The following CNTNAP5 variants were observed in gnomAD, a reference collection of about 807,000 sequenced individuals.
CNTNAP5 encodes contactin-associated protein-like 5.
In CNTNAP5, 72 loss-of-function variants were observed where a neutral mutation model predicts 150.2. The ratio of observed to expected loss-of-function variants is 0.48; its 90% CI spans 0.40 to 0.58. The LOEUF is 0.58. Ranked by LOEUF, CNTNAP5 falls within the 20% of genes least tolerant of loss-of-function variation. The probability of loss-of-function intolerance (pLI) is 0.00; values close to 1 mark genes in which losing one functional copy is unlikely to be tolerated. For synonymous variants in CNTNAP5, 672 were observed against 619.8 expected (o/e 1.08, Z -1.25); for missense variants, 1,636 against 1,626.2 (o/e 1.01, Z -0.10).
intron 3 of CNTNAP5, among the ~76,000 whole-genome samples, chr2:124,411,467 CA>C (rs1258760281): frequency 6.6e-6 from 1 of 151,670 alleles, no homozygotes; most frequent in Non-Finnish European, 1.5e-5. Flanking sequence ...AGCATTGATT[CA>C]AAAATCCTCA....
At chr2:124,081,308 T>C (rs947882109) in intron 1 of CNTNAP5, among the ~76,000 whole-genome samples, 2 of 152,194 alleles carry the variant, frequency 1.3e-5, no homozygotes, top group African/African-American at 4.8e-5. Flanking sequence ...AAGCCTCCTA[T>C]TTGTCTCACC....
At chr2:124,548,438 G>T (rs769114612) in intron 10 of CNTNAP5, among the ~76,000 whole-genome samples, 1 of 152,218 alleles carries the variant, frequency 6.6e-6, no homozygotes, top group African/African-American at 2.4e-5. Flanking sequence ...TTCACTCCAT[G>T]AAACCAGGTT....
At chr2:124,352,487 T>C (rs193064929) in intron 3 of CNTNAP5, among the ~76,000 whole-genome samples, 61 of 152,220 alleles carry the variant, frequency 4.0e-4, no homozygotes, top group African/African-American at 1.1e-3. Flanking sequence ...CGCAGAGAAA[T>C]ACCAAGTCTA....
Position 124,763,982 on chromosome 2 carries a change from T to C in CNTNAP5, c.2368T>C (p.Phe790Leu), listed in dbSNP as rs1023195434. ...AAGGATTTTCTCATTTGCAGGACGC[T>C]TCTGGAACGCCGTCTCATTTTATAC... ...GPLRCYGDRR[F>L]WNAVSFYTEA... Residue 790 changes from phenylalanine to leucine, a missense_variant, in exon 16 of 24, where the codon TTC (phenylalanine) becomes CTC (leucine). Physicochemically the swap from Phe to Leu is conservative, Grantham distance 22. Transcript: ENST00000682447. 6.2e-7 allele frequency: 1 copy of C among 1,611,260 alleles called. No individual in the cohort carries two copies. Among genetic ancestry groups the C allele is most frequent in the Non-Finnish European group, 8.5e-7 (1 of 1,178,514 alleles).
intron 17 of CNTNAP5, among the ~76,000 whole-genome samples, chr2:124,779,785 G>T (rs928105277): frequency 6.6e-6 from 1 of 152,040 alleles, no homozygotes; most frequent in Non-Finnish European, 1.5e-5. Context: ...CCTCTTCATG[G>T]ATAATGCAGA....
chr2:124,622,639 T>C lies in CNTNAP5; in HGVS notation c.1876+12719T>C, dbSNP rs1301554377. ...ACAGTGTCATCAGCGTCTGTTGTTT[T>C]TACTTTTTAATTGTAGCCATCCTGA... On this transcript the variant is annotated intron_variant, in intron 12 of 23. Coordinates refer to ENST00000682447, the MANE Select transcript of CNTNAP5 (RefSeq NM_001367498.1). Among the ~76,000 whole-genome samples, 6 of 152,136 alleles carry C rather than the reference T, an allele frequency of 3.9e-5. No homozygotes were observed. In the East Asian group the frequency reaches 1.2e-3, roughly 29 times the overall value.
intron 10 of CNTNAP5, among the ~76,000 whole-genome samples, chr2:124,535,710 GA>G (rs1695215560): frequency 6.6e-6 from 1 of 152,058 alleles, no homozygotes; most frequent in Admixed American, 6.6e-5. Flanking sequence ...CCAGGAAGCA[GA>G]GGTTGCAGTG....
intron 3 of CNTNAP5, among the ~76,000 whole-genome samples, chr2:124,276,770 T>C (rs1687892684): frequency 6.6e-6 from 1 of 152,126 alleles, no homozygotes; most frequent in South Asian, 2.1e-4. Context: ...TAAAGACTAT[T>C]ATAGACAAAT....
At chr2:124,715,845 T>C (rs780038269) in intron 13 of CNTNAP5, among the ~76,000 whole-genome samples, 2 of 152,120 alleles carry the variant, frequency 1.3e-5, no homozygotes, top group African/African-American at 2.4e-5. Flanking sequence ...TAATAGAAGA[T>C]GGATGCTTGA....
rs148612089 is a variant in CNTNAP5, at chr2:124,889,722, C to A, written c.3437-13160C>A. On this transcript the variant is annotated intron_variant, in intron 21 of 23. Coordinates refer to ENST00000682447, the MANE Select transcript of CNTNAP5 (RefSeq NM_001367498.1). ...CTGTTAGTGCTAATGCCAATAATTG[C>A]TATGATAAAAATAGTAGCAAGTGCT... Among the ~76,000 whole-genome samples the A allele has an allele frequency of 1.9e-4, 29 of 152,130 alleles. No individual in the cohort carries two copies. The East Asian group carries it at 5.4e-3, about 29-fold the overall frequency.
intron 19 of CNTNAP5, among the ~76,000 whole-genome samples, chr2:124,830,257 AAAT>A (rs1024164120): frequency 7.2e-5 from 11 of 152,030 alleles, no homozygotes; most frequent in Non-Finnish European, 1.6e-4. Flanking sequence ...GATTATTATA[AAAT>A]AATAATTATT....
chr2:124,880,195 A>T (rs1223891991), intron 21 of CNTNAP5, among the ~76,000 whole-genome samples: 1 of 152,146 alleles, frequency 6.6e-6, no homozygotes, highest in South Asian at 2.1e-4. Context: ...TATGCCATTT[A>T]TCCATTTCTA....
intron 1 of CNTNAP5, among the ~76,000 whole-genome samples, chr2:124,175,380 CT>C (rs2104670776): frequency 6.6e-6 from 1 of 152,228 alleles, no homozygotes; most frequent in South Asian, 2.1e-4. Flanking sequence ...CTTTTATACT[CT>C]TTTATTCCTT....
At chr2:124,425,277 T>C (rs1306974463) in intron 4 of CNTNAP5, among the ~76,000 whole-genome samples, 1 of 152,156 alleles carries the variant, frequency 6.6e-6, no homozygotes, top group Non-Finnish European at 1.5e-5. Context: ...AAAAAACAGG[T>C]CAACTACCGT....
intron 4 of CNTNAP5, among the ~76,000 whole-genome samples, chr2:124,418,994 C>T (rs1383138363): frequency 2.7e-5 from 4 of 149,018 alleles, no homozygotes; most frequent in East Asian, 2.0e-4. Flanking sequence ...ATTAGCCGGG[C>T]GCGGTGGCGG....
At chr2:124,356,034 A>C (rs1301808849) in intron 3 of CNTNAP5, among the ~76,000 whole-genome samples, 1 of 152,230 alleles carries the variant, frequency 6.6e-6, no homozygotes, top group African/African-American at 2.4e-5. Flanking sequence ...CAATGCTTAC[A>C]GATAAAATAT....
At chr2:124,219,105 G>T (rs926016680) in intron 1 of CNTNAP5, among the ~76,000 whole-genome samples, 3 of 152,042 alleles carry the variant, frequency 2.0e-5, no homozygotes, top group Non-Finnish European at 4.4e-5. Context: ...AGAAAAAGAA[G>T]AGAAAAATAA....
At chr2:124,377,834 C>G (rs1314304397) in intron 3 of CNTNAP5, among the ~76,000 whole-genome samples, 1 of 151,430 alleles carries the variant, frequency 6.6e-6, no homozygotes, top group Non-Finnish European at 1.5e-5. Context: ...CTAGGAAATA[C>G]AAGAGCTTTT....
intron 7 of CNTNAP5, among the ~76,000 whole-genome samples, chr2:124,487,455 C>T (rs1278517765): frequency 2.0e-5 from 3 of 152,076 alleles, no homozygotes; most frequent in Non-Finnish European, 4.4e-5. Flanking sequence ...TGAAACCCAC[C>T]ATTTACTTCA....
Sources: allele counts gnomAD v4.1 joint callset (sites outside exome capture counted in the v4.1 genomes callset), GRCh38; gene constraint gnomAD v4.1.1; transcripts MANE v1.5; gene names NCBI Gene and HGNC (gene_info 2026-07-23, HGNC 2026-07-21).